The following SH3PXD2A variants were observed in gnomAD, a reference collection of about 807,000 sequenced individuals.
SH3PXD2A encodes the protein SH3 and PX domain-containing protein 2A.
A neutral mutation model predicts 115.2 loss-of-function variants in SH3PXD2A; 32 were observed. The observed-to-expected ratio is 0.28, with a 90% CI of 0.21 to 0.37. The LOEUF (loss-of-function observed/expected upper bound fraction) is 0.37. Among genes scored for constraint, SH3PXD2A ranks in the 10% least tolerant of loss-of-function variants. The probability of loss-of-function intolerance (pLI) is 1.00; values close to 1 mark genes in which losing one functional copy is unlikely to be tolerated. For synonymous variants in SH3PXD2A, 610 were observed against 629.1 expected, an observed-to-expected ratio of 0.97 and a Z score of 0.45; for missense variants, 1,328 against 1,498.7, an observed-to-expected ratio of 0.89 and a Z score of 1.88.
chr10:103,783,927 C>T (rs2038956573), intron 2 of SH3PXD2A, among the ~76,000 whole-genome samples: 1 of 152,250 alleles, frequency 6.6e-6, no homozygotes, highest in Non-Finnish European at 1.5e-5. Flanking sequence ...TGCTGCCAGC[C>T]CTTCTAATGA....
intron 6 of SH3PXD2A, among the ~76,000 whole-genome samples, chr10:103,685,644 C>A (rs570147239): frequency 2.6e-5 from 4 of 152,150 alleles, no homozygotes; most frequent in African/African-American, 4.8e-5. Context: ...AGGCCAGGCA[C>A]GGTGCTGGAG....
chr10:103,777,512 C>T (rs1034310382), intron 2 of SH3PXD2A, among the ~76,000 whole-genome samples: 36 of 152,362 alleles, frequency 2.4e-4, no homozygotes, highest in Admixed American at 2.0e-3. Flanking sequence ...CAGGACGTGA[C>T]ATTTAACATG....
chr10:103,797,945 G>A (rs772925051), intron 2 of SH3PXD2A, among the ~76,000 whole-genome samples: 5 of 152,220 alleles, frequency 3.3e-5, no homozygotes, highest in Admixed American at 1.3e-4. Context: ...GTGCTGTTCC[G>A]AATGAAACTG....
At chr10:103,622,867 A>AAG (rs1223041114) in intron 9 of SH3PXD2A, among the ~76,000 whole-genome samples, 3 of 152,186 alleles carry the variant, frequency 2.0e-5, no homozygotes, top group Admixed American at 2.0e-4. Flanking sequence ...AGCCCAGTGC[A>AAG]AGACAGCCCC....
rs563931962 is a variant in SH3PXD2A at position 103,622,755 on chromosome 10, G to A, written c.719-202C>T. On this transcript the variant is annotated intron_variant, in intron 9 of 14. Coordinates refer to ENST00000369774, the MANE Select transcript of SH3PXD2A (RefSeq NM_001394015.1). ...ATGACAGGTCATGGTCGGCACACAGGGAAAAATTCAACCAAACTCCACAGC... is the reference window on the plus strand; with the variant it reads ...ATGACAGGTCATGGTCGGCACACAGAGAAAAATTCAACCAAACTCCACAGC... Among the ~76,000 whole-genome samples, 16 of 152,288 alleles carry A rather than the reference G, an allele frequency of 1.1e-4. 1 individual carries two copies. The highest frequency in any genetic ancestry group is 2.9e-5 in the Non-Finnish European group (2 of 68,018).
intron 3 of SH3PXD2A, among the ~76,000 whole-genome samples, chr10:103,766,190 G>T (rs2038752528): frequency 6.6e-6 from 1 of 152,198 alleles, no homozygotes; most frequent in African/African-American, 2.4e-5. Flanking sequence ...TGTGCCAGGG[G>T]TTAGCAAGGT....
intron 1 of SH3PXD2A, among the ~76,000 whole-genome samples, chr10:103,838,689 C>T (rs753814456): frequency 6.6e-6 from 1 of 152,214 alleles, no homozygotes; most frequent in Non-Finnish European, 1.5e-5. Context: ...CAGGACCAGG[C>T]TCCTGGGGAG....
chr10:103,638,008 T>C (rs1040488199), intron 8 of SH3PXD2A, among the ~76,000 whole-genome samples: 2 of 152,162 alleles, frequency 1.3e-5, no homozygotes, highest in Admixed American at 1.3e-4. Context: ...AGGCCTCCCC[T>C]GGTCAGAAAG....
chr10:103,693,081 G>C (rs1176992516), intron 5 of SH3PXD2A, 25 bp from the exon 6 acceptor site: 1 of 1,612,360 alleles, frequency 6.2e-7, no homozygotes, highest in South Asian at 1.1e-5. Flanking sequence ...ACAACAGATA[G>C]ACATGGTTAG....
At chr10:103,758,252 CAT>C (rs1162105042) in intron 3 of SH3PXD2A, among the ~76,000 whole-genome samples, 5 of 152,208 alleles carry the variant, frequency 3.3e-5, no homozygotes, top group African/African-American at 9.7e-5. Flanking sequence ...GTTCTTCAAA[CAT>C]ATACCGGTGG....
chr10:103,814,828 GACA>G, intron 1 of SH3PXD2A, among the ~76,000 whole-genome samples: 1 of 152,350 alleles, frequency 6.6e-6, no homozygotes, highest in South Asian at 2.1e-4. Context: ...GGAGGCAACA[GACA>G]ACATGTCAGA....
Position 103,714,532 on chromosome 10 carries a change from C to A in SH3PXD2A, c.398+9738G>T, listed in dbSNP as rs77651779. On this transcript the variant is annotated intron_variant, in intron 5 of 14. Transcript: ENST00000369774. ...TCGCCGACCCAGCATGACAGCTGAG[C>A]CTGCAGAAGTCCTTGTTCCCCACGG... Among the ~76,000 whole-genome samples, 684 of 152,340 alleles carry A rather than the reference C, an allele frequency of 4.5e-3. 9 individuals carry two copies. The highest frequency in any genetic ancestry group is 0.016 in the African/African-American group (654 of 41,572).
chr10:103,686,309 C>T (rs1279902562), intron 6 of SH3PXD2A, among the ~76,000 whole-genome samples: 1 of 152,236 alleles, frequency 6.6e-6, no homozygotes, highest in African/African-American at 2.4e-5. Context: ...GACAACAGCC[C>T]CAGGGCCCTG....
In SH3PXD2A at chr10:103,839,234, C is replaced by T. The variant is rs542264377; in HGVS notation, c.72+15961G>A. On this transcript the variant is annotated intron_variant, in intron 1 of 14. Coordinates refer to ENST00000369774, the MANE Select transcript of SH3PXD2A (RefSeq NM_001394015.1). ...CACTAGTTCCACCAACACCCCTACA[C>T]CCTGAAGTGGAAGTTCTAATCACAG... 8.7e-4 allele frequency among the ~76,000 whole-genome samples: 133 copies of T among 152,292 alleles called. No individual in the cohort carries two copies. In the South Asian group the frequency reaches 0.016, roughly 19 times the overall value.
intron 1 of SH3PXD2A, among the ~76,000 whole-genome samples, chr10:103,831,763 C>T (rs928660840): frequency 9.9e-5 from 15 of 152,134 alleles, no homozygotes; most frequent in African/African-American, 3.6e-4. Context: ...AATTCCAGAA[C>T]ATTTTCAACA....
rs1285159868 is a variant in SH3PXD2A at position 103,602,213 on chromosome 10, G to A, written c.3005C>T (p.Ser1002Leu). 1 of 1,590,790 alleles carries A rather than the reference G, an allele frequency of 6.3e-7. No individual in the cohort carries two copies. Among genetic ancestry groups the A allele is most frequent in the African/African-American group, 1.3e-5 (1 of 74,470 alleles). Residue 1002 changes from serine (S) to leucine (L), a missense_variant, in exon 15 of 15, where the codon TCA becomes TTA. Transcript: ENST00000369774. ...NLSCALRRNE[S>L]LTATDGLRGV... ...TCGGAGGCCATCAGTGGCCGTGAGT[G>A]ACTCATTCCTCCGCAGGGCGCAGGA...
intron 2 of SH3PXD2A, among the ~76,000 whole-genome samples, chr10:103,798,006 G>A (rs1289540871): frequency 2.0e-5 from 3 of 152,172 alleles, no homozygotes; most frequent in African/African-American, 4.8e-5. Flanking sequence ...GACCGCTTGG[G>A]ATCGCTTTGC....
intron 2 of SH3PXD2A, among the ~76,000 whole-genome samples, chr10:103,791,539 T>C (rs1156902112): frequency 6.6e-6 from 1 of 152,176 alleles, no homozygotes; most frequent in African/African-American, 2.4e-5. Context: ...AGAGTTCTCC[T>C]GAGGGCAGGC....
chr10:103,724,235 C>T, intron 5 of SH3PXD2A, 35 bp downstream of exon 5: 2 of 1,269,280 alleles, frequency 1.6e-6, no homozygotes, highest in African/African-American at 1.6e-5. Context: ...CCCACGCCTC[C>T]CCAGCACACA....
Sources: allele counts gnomAD v4.1 joint callset (sites outside exome capture counted in the v4.1 genomes callset), GRCh38; gene constraint gnomAD v4.1.1; transcripts MANE v1.5; gene names NCBI Gene and HGNC (gene_info 2026-07-23, HGNC 2026-07-21).